The following SOD2 variants were observed in gnomAD, a reference collection of about 807,000 sequenced individuals.
SOD2 encodes superoxide dismutase 2.
A neutral mutation model predicts 27.0 loss-of-function variants in SOD2; 11 were observed. That is an observed-to-expected ratio of 0.41 (90% CI 0.26 to 0.67). SOD2 has a LOEUF of 0.67. Ranked by LOEUF, SOD2 falls within the 30% of genes least tolerant of loss-of-function variation. SOD2 has a pLI of 0.34. For missense variants in SOD2, 250 were observed against 274.5 expected, an observed-to-expected ratio of 0.91 and a Z score of 0.63; for synonymous variants, 105 against 103.0, an observed-to-expected ratio of 1.02 and a Z score of -0.12.
intron 1 of SOD2, among the ~76,000 whole-genome samples, chr6:159,719,370 C>T (rs1316322535): frequency 6.6e-6 from 1 of 152,044 alleles, no homozygotes; most frequent in Admixed American, 6.6e-5. Flanking sequence ...TATGTCTCTA[C>T]TCATGTCTCT....
intron 1 of SOD2, among the ~76,000 whole-genome samples, chr6:159,724,899 G>A (rs1778112004): frequency 6.8e-6 from 1 of 148,046 alleles, no homozygotes; most frequent in African/African-American, 2.5e-5. Flanking sequence ...AGGAAGGGAG[G>A]GGGGAAGAGA....
Position 159,760,152 on chromosome 6 carries a change from GGA to G in SOD2, c.-336+883_-336+884del, listed in dbSNP as rs529786467. 6.6e-5 allele frequency: 10 copies of G among 152,304 alleles called. No individual in the cohort carries two copies. The East Asian group carries it at 1.4e-3, about 21-fold the overall frequency. The allele number at this position is 152,304 out of a possible 1,614,324, so 9.4% of individuals were successfully genotyped here. Reference sequence around the variant, plus strand: ...TTTCTGGAAGAAGTGATGTTTAGGGGGAGTTTCAGAGGTAAATTTCTGGTTTG... The same window carrying G: ...TTTCTGGAAGAAGTGATGTTTAGGGGGTTTCAGAGGTAAATTTCTGGTTTG... On this transcript the variant is annotated intron_variant, in intron 1 of 7. Coordinates refer to the SOD2 transcript ENST00000546087.
chr6:159,756,731 A>G (rs1780019681), intron 1 of SOD2, among the ~76,000 whole-genome samples: 1 of 151,580 alleles, frequency 6.6e-6, no homozygotes, highest in African/African-American at 2.4e-5. Context: ...GCTTCCGAGT[A>G]CCTGAGACTA....
At chr6:159,735,163 G>C (rs1462582447) in intron 1 of SOD2, among the ~76,000 whole-genome samples, 3 of 152,170 alleles carry the variant, frequency 2.0e-5, no homozygotes, top group Non-Finnish European at 4.4e-5. Flanking sequence ...GTTTGTTTGA[G>C]ATGGAGTCTC....
upstream of SOD2, among the ~76,000 whole-genome samples, chr6:159,696,081 G>C (rs907744186): frequency 6.6e-6 from 1 of 152,206 alleles, no homozygotes; most frequent in Non-Finnish European, 1.5e-5. Flanking sequence ...TCATATTCCA[G>C]TAACAGATCC....
intron 1 of SOD2, among the ~76,000 whole-genome samples, chr6:159,709,980 C>T (rs541305611): frequency 5.9e-5 from 9 of 151,706 alleles, no homozygotes; most frequent in Non-Finnish European, 1.2e-4. Context: ...ACATGGATGA[C>T]GCTGGAAACC....
intron 1 of SOD2, chr6:159,754,913 A>G (rs1779949511): frequency 8.9e-7 from 1 of 1,120,382 alleles, no homozygotes; most frequent in Admixed American, 3.3e-5. Flanking sequence ...TGATTTTAGA[A>G]TTGTATTTGT....
Position 159,678,953 on chromosome 6 carries a change from G to C in SOD2, c.*3540C>G, listed in dbSNP as rs2114754040. The C allele has an allele frequency of 6.6e-6, 1 of 152,312 alleles. No individual in the cohort carries two copies. The highest frequency in any genetic ancestry group is 2.1e-4 in the South Asian group (1 of 4,822). 9.4% of individuals were successfully genotyped at this position (152,312 alleles called of 1,614,324 possible). ...CTAATACTATGCTTTTAGGTTATCA[G>C]ATGATGTTATTACAGATATGACTGG... On this transcript the variant is annotated 3_prime_UTR_variant, in exon 5 of 5. Transcript: ENST00000538183.
chr6:159,740,690 T>C (rs1266221756), intron 1 of SOD2, among the ~76,000 whole-genome samples: 1 of 151,662 alleles, frequency 6.6e-6, no homozygotes, highest in Non-Finnish European at 1.5e-5. Flanking sequence ...GAAGGTTTTT[T>C]TTTTTTCTTT....
Position 159,723,947 on chromosome 6 carries a change from G to C in SOD2, c.-116+3182C>G, listed in dbSNP as rs546887556. Among the ~76,000 whole-genome samples the C allele has an allele frequency of 6.6e-5, 10 of 152,122 alleles. No individual in the cohort carries two copies. In the South Asian group the frequency reaches 2.1e-3, roughly 32 times the overall value. On this transcript the variant is annotated intron_variant, in intron 1 of 2. Coordinates refer to the SOD2 transcript ENST00000401980. The stretch of plus-strand genomic sequence containing the variant: ...CTATTTTATTATTTTGTATTTTGTA[G>C]AGACAAGATCTCACTGTGTTGCCCA...
rs1368443364 is a variant in SOD2, at chr6:159,682,170, A to C, written c.*323T>G. ...TTTTCTATAACTGCAATAGAATAGG[A>C]CTAGAAAGGCATCCCTACAAGTCCC... On this transcript the variant is annotated 3_prime_UTR_variant, in exon 5 of 5. Transcript: ENST00000538183. The C allele has an allele frequency of 1.1e-5, 2 of 175,510 alleles. No homozygotes were observed. The highest frequency in any genetic ancestry group is 1.3e-4 in the Admixed American group (2 of 16,000). The allele number at this position is 175,510 out of a possible 1,614,324, so 10.9% of individuals were successfully genotyped here. A position where few individuals can be genotyped will look rare whatever the true frequency, so the allele number is the denominator to read the frequency against.
chr6:159,704,073 C>G (rs1777574675), intron 1 of SOD2, among the ~76,000 whole-genome samples: 1 of 152,190 alleles, frequency 6.6e-6, no homozygotes, highest in Non-Finnish European at 1.5e-5. Flanking sequence ...ATCATGAGGT[C>G]AAGAGATCAA....
At chr6:159,748,364 T>A, upstream of SOD2, 1 of 1,613,530 alleles carries the variant, frequency 6.2e-7, no homozygotes, top group Non-Finnish European at 8.5e-7. This position sits in a 1 kb window ranked among gnomAD's most constrained non-coding sequence, Gnocchi z 5.6. Context: ...AGTTTACGCC[T>A]GATAGGTAAA....
Position 159,669,990 on chromosome 6 carries a change from C to T in SOD2, c.*12503G>A, listed in dbSNP as rs1361278921. 1 of 152,166 alleles carries T rather than the reference C, an allele frequency of 6.6e-6. No individual in the cohort carries two copies. Among genetic ancestry groups the T allele is most frequent in the Non-Finnish European group, 1.5e-5 (1 of 68,030 alleles). The allele number at this position is 152,166 out of a possible 1,614,324, so 9.4% of individuals were successfully genotyped here. On this transcript the variant is annotated 3_prime_UTR_variant, in exon 5 of 5. Coordinates refer to ENST00000538183, the MANE Select transcript of SOD2 (RefSeq NM_000636.4). Reference sequence around the variant, plus strand: ...AGAGGTGCAGACTTTTTAAACAAATCTCTTCCCAGGAGAATCACTTGTTTT... The same window carrying T: ...AGAGGTGCAGACTTTTTAAACAAATTTCTTCCCAGGAGAATCACTTGTTTT...
rs1779603783 is a variant in SOD2, at chr6:159,669,088, A to G, written c.*13405T>C. ...AAAACATCAGTGGAATTACTTTATT[A>G]AATCAGAAAATTACAGCATTTTTGT... On this transcript the variant is annotated 3_prime_UTR_variant, in exon 5 of 5. Coordinates refer to ENST00000538183, the MANE Select transcript of SOD2 (RefSeq NM_000636.4). The G allele has an allele frequency of 6.6e-6, 1 of 152,238 alleles. No individual in the cohort carries two copies. Among genetic ancestry groups the G allele is most frequent in the South Asian group, 2.1e-4 (1 of 4,834 alleles). The allele number at this position is 152,238 out of a possible 1,614,324, so 9.4% of individuals were successfully genotyped here. A position where few individuals can be genotyped will look rare whatever the true frequency, so the allele number is the denominator to read the frequency against.
At chr6:159,762,019 G>A (rs1256958000) in exon 1 of SOD2, 2 of 1,577,166 alleles carry the variant, frequency 1.3e-6, no homozygotes, top group African/African-American at 1.4e-5. Context: ...CGGCAGGCCT[G>A]TGGGCTGCGA....
At chr6:159,690,204 T>C in intron 2 of SOD2, among the ~76,000 whole-genome samples, 1 of 150,870 alleles carries the variant, frequency 6.6e-6, no homozygotes, top group Admixed American at 6.6e-5. Context: ...GGAGAATTGC[T>C]TGAACCCAGG....
chr6:159,685,148 A>G, intron 3 of SOD2, 115 bp from the exon 4 acceptor site: 1 of 578,260 alleles, frequency 1.7e-6, no homozygotes, highest in South Asian at 6.7e-5. Context: ...GAAATTAGAC[A>G]ACATCAGAAT....
intron 1 of SOD2, among the ~76,000 whole-genome samples, chr6:159,734,703 A>T (rs1167888010): frequency 1.3e-5 from 2 of 152,210 alleles, no homozygotes; most frequent in African/African-American, 4.8e-5. Context: ...CTTAATTTGT[A>T]TAAGTTATGA....
Sources: allele counts gnomAD v4.1 joint callset (sites outside exome capture counted in the v4.1 genomes callset), GRCh38; gene constraint gnomAD v4.1.1; non-coding constraint Gnocchi (gnomAD v3.1); transcripts MANE v1.5; gene names NCBI Gene and HGNC (gene_info 2026-07-23, HGNC 2026-07-21).